Variants in HS3ST5 observed in about 807,000 individuals in gnomAD.
The protein encoded by HS3ST5 is heparan sulfate glucosamine 3-O-sulfotransferase 5.
A neutral mutation model predicts 25.4 loss-of-function variants in HS3ST5; 10 were observed. That is an observed-to-expected ratio of 0.39 (90% confidence interval 0.24 to 0.67). HS3ST5 has a LOEUF of 0.67. HS3ST5 is among the 30% of genes least tolerant of loss of function. HS3ST5 has a pLI of 0.44. For missense variants in HS3ST5, 324 were observed against 420.7 expected (o/e 0.77, Z 2.01); for synonymous variants, 170 against 162.4 (o/e 1.05, Z -0.36).
chr6:114,250,159 A>G (rs1212062123), intron 1 of HS3ST5, among the ~76,000 whole-genome samples: 2 of 152,234 alleles, frequency 1.3e-5, no homozygotes, highest in Non-Finnish European at 2.9e-5. Flanking sequence ...CAATTATCCC[A>G]TGATGGTGAA....
intron 1 of HS3ST5, among the ~76,000 whole-genome samples, chr6:114,259,055 CAGT>C (rs2114659976): frequency 6.6e-6 from 1 of 152,210 alleles, no homozygotes; most frequent in African/African-American, 2.4e-5. Flanking sequence ...AGTGTCTGAC[CAGT>C]AGTAATGGTT....
chr6:114,330,423 TATC>T (rs1405780949), intron 1 of HS3ST5, among the ~76,000 whole-genome samples: 3 of 152,172 alleles, frequency 2.0e-5, no homozygotes, highest in African/African-American at 7.2e-5. Flanking sequence ...TCTGAGCTAT[TATC>T]ATGATATTGA....
At chr6:114,217,435 A>G (rs966551733) in intron 2 of HS3ST5, among the ~76,000 whole-genome samples, 1 of 152,240 alleles carries the variant, frequency 6.6e-6, no homozygotes, top group African/African-American at 2.4e-5. Context: ...ATATAGTTAT[A>G]TAATTATATA....
chr6:114,071,183 C>T (rs1046933762), intron 3 of HS3ST5, among the ~76,000 whole-genome samples: 2 of 152,206 alleles, frequency 1.3e-5, no homozygotes, highest in African/African-American at 4.8e-5. Context: ...ATTTCCCTTG[C>T]TTGAAAATAC....
At chr6:114,238,275 G>A (rs1351918348) in intron 1 of HS3ST5, among the ~76,000 whole-genome samples, 1 of 152,142 alleles carries the variant, frequency 6.6e-6, no homozygotes, top group East Asian at 1.9e-4. Flanking sequence ...TCTACAGAAA[G>A]GTCCAGAAAT....
intron 3 of HS3ST5, among the ~76,000 whole-genome samples, chr6:114,160,537 A>T (rs1227908207): frequency 6.6e-6 from 1 of 152,118 alleles, no homozygotes; most frequent in Non-Finnish European, 1.5e-5. Flanking sequence ...CTATATATTA[A>T]ATCAGTGTCA....
At chr6:114,091,438 G>A (rs1260575882) in intron 3 of HS3ST5, among the ~76,000 whole-genome samples, 1 of 152,052 alleles carries the variant, frequency 6.6e-6, no homozygotes, top group Non-Finnish European at 1.5e-5. Flanking sequence ...AGCACTTTGG[G>A]AAGCCGAGGC....
chr6:114,129,340 C>T (rs1777215205), intron 3 of HS3ST5, among the ~76,000 whole-genome samples: 2 of 147,602 alleles, frequency 1.4e-5, no homozygotes, highest in Non-Finnish European at 3.0e-5. Flanking sequence ...ACTGCAAGCT[C>T]CGCCTCCTGG....
intron 2 of HS3ST5, among the ~76,000 whole-genome samples, chr6:114,209,995 C>A (rs765796977): frequency 6.6e-6 from 1 of 151,978 alleles, no homozygotes; most frequent in Non-Finnish European, 1.5e-5. Context: ...ATTTTGACAC[C>A]ATACCAGGTT....
chr6:114,332,464 G>C (rs1385816141), intron 1 of HS3ST5, among the ~76,000 whole-genome samples: 4 of 152,118 alleles, frequency 2.6e-5, no homozygotes, highest in Admixed American at 2.0e-4. Context: ...CTGACACACA[G>C]TACCTGTTCA....
intron 2 of HS3ST5, among the ~76,000 whole-genome samples, chr6:114,191,916 G>T (rs1446769798): frequency 1.3e-5 from 2 of 152,046 alleles, no homozygotes; most frequent in Non-Finnish European, 2.9e-5. Flanking sequence ...TTAAATTTCA[G>T]TTTCCTCCAA....
chr6:114,185,741 C>CTTTTTTTT (rs780172108), intron 2 of HS3ST5, among the ~76,000 whole-genome samples: 1 of 133,596 alleles, frequency 7.5e-6, no homozygotes, highest in Non-Finnish European at 1.6e-5. Flanking sequence ...TTCTTTCTTT[C>CTTTTTTTT]TTTTTTTTTT....
At chr6:114,333,954 C>T (rs566612609) in intron 1 of HS3ST5, among the ~76,000 whole-genome samples, 2 of 152,248 alleles carry the variant, frequency 1.3e-5, no homozygotes, top group South Asian at 2.1e-4. Flanking sequence ...CAAGCATCTG[C>T]AAGCCCATCA....
chr6:114,163,761 T>G lies in HS3ST5; in HGVS notation c.-33+4590A>C, dbSNP rs924754781. Among the ~76,000 whole-genome samples, 5 of 152,308 alleles carry G rather than the reference T, an allele frequency of 3.3e-5. No homozygotes were observed. In the South Asian group the frequency reaches 1.0e-3, roughly 32 times the overall value. The stretch of plus-strand genomic sequence containing the variant: ...TAAATGGTAGCTACTATTACTTAAC[T>G]AATTAATTAATGTATCTGTCGATCA... On this transcript the variant is annotated intron_variant, in intron 3 of 4. Transcript: ENST00000312719.
intron 1 of HS3ST5, among the ~76,000 whole-genome samples, chr6:114,282,639 T>A (rs2114743198): frequency 6.6e-6 from 1 of 152,130 alleles, no homozygotes; most frequent in Non-Finnish European, 1.5e-5. Context: ...TTGAATGCTC[T>A]GTTTGGCCCA....
At chr6:114,254,505 A>G (rs905009833) in intron 1 of HS3ST5, among the ~76,000 whole-genome samples, 7 of 152,182 alleles carry the variant, frequency 4.6e-5, no homozygotes. Flanking sequence ...AGAGAGAAAT[A>G]GATGGTGTCA....
At chr6:114,295,154 T>C (rs1170359029) in intron 1 of HS3ST5, among the ~76,000 whole-genome samples, 5 of 152,180 alleles carry the variant, frequency 3.3e-5, no homozygotes, top group African/African-American at 1.2e-4. Context: ...CTCTTTCTCA[T>C]TGTTATGTAC....
chr6:114,177,094 C>T (rs1360383178), intron 2 of HS3ST5, among the ~76,000 whole-genome samples: 2 of 152,142 alleles, frequency 1.3e-5, no homozygotes, highest in Admixed American at 6.6e-5. Flanking sequence ...AATTGCAATG[C>T]AGTTCTACCG....
In HS3ST5 at chr6:114,146,727, A is replaced by G. The variant is rs920510198; in HGVS notation, c.-33+21624T>C. 3.6e-4 allele frequency among the ~76,000 whole-genome samples: 55 copies of G among 152,072 alleles called. 1 individual carries two copies. The highest frequency in any genetic ancestry group is 3.5e-3 in the Admixed American group (54 of 15,264). On this transcript the variant is annotated intron_variant, in intron 3 of 4. Coordinates refer to ENST00000312719, the MANE Select transcript of HS3ST5 (RefSeq NM_153612.4). ...CCTCATGGCTTGGTGCGTCTTTGCA[A>G]TATTTGATGAGGTCTCATGTGATTT...
Sources: gnomAD v4.1 joint callset for allele counts (sites outside exome capture counted in the v4.1 genomes callset) on GRCh38, gnomAD v4.1.1 for gene constraint, MANE v1.5 for transcripts, NCBI Gene and HGNC (gene_info 2026-07-23, HGNC 2026-07-21) for gene names.